Variants in FBXW7 observed in about 807,000 individuals in gnomAD.
FBXW7 encodes the protein F-box and WD repeat domain containing 7.
FBXW7 carries 11 observed loss-of-function variants against 86.3 expected under a neutral mutation model. The ratio of observed to expected loss-of-function variants is 0.13; its 90% CI spans 0.08 to 0.21. The LOEUF (loss-of-function observed/expected upper bound fraction) is 0.21, where lower values mean the gene tolerates loss of function less well. FBXW7 is among the 10% of genes least tolerant of loss of function. FBXW7 has a pLI of 1.00. For synonymous variants in FBXW7, 313 were observed against 297.9 expected (o/e 1.05, Z -0.52); for missense variants, 488 against 847.4 (o/e 0.58, Z 5.27).
In FBXW7 at chr4:152,411,396, T is replaced by C. The variant is rs777791851; in HGVS notation, c.408A>G (p.Glu136=). 1 of 1,613,508 alleles carries C rather than the reference T, an allele frequency of 6.2e-7. No individual in the cohort carries two copies. Among genetic ancestry groups the C allele is most frequent in the African/African-American group, 1.3e-5 (1 of 74,872 alleles). Residue 136 remains glutamate (E), a synonymous_variant, in exon 4 of 14, where the codon GAA becomes GAG. Transcript: ENST00000281708. The part of the protein sequence containing the change: ...DQSDDSSRED[E]HTHTNSVTNS... ...TCGTGACACTGTTAGTATGTGTATG[T>C]TCATCTTCTCTGCTACTATCATCAG...
At chr4:152,415,133 A>C (rs779117009) in intron 2 of FBXW7, among the ~76,000 whole-genome samples, 1 of 151,606 alleles carries the variant, frequency 6.6e-6, no homozygotes, top group Non-Finnish European at 1.5e-5. Flanking sequence ...ACAGTTGTTA[A>C]ATAAGTGGAG....
intron 2 of FBXW7, among the ~76,000 whole-genome samples, chr4:152,526,968 G>C (rs1749571314): frequency 6.6e-6 from 1 of 152,162 alleles, no homozygotes; most frequent in Non-Finnish European, 1.5e-5. Context: ...TCAAACTCAA[G>C]TGTTGAATTT....
intron 4 of FBXW7, chr4:152,382,154 T>C: frequency 2.0e-6 from 3 of 1,464,538 alleles, no homozygotes; most frequent in Non-Finnish European, 2.7e-6. Context: ...TTCACTTAAA[T>C]AAACATTCAT....
At chr4:152,516,960 G>T (rs1199431075) in intron 2 of FBXW7, among the ~76,000 whole-genome samples, 1 of 152,130 alleles carries the variant, frequency 6.6e-6, no homozygotes, top group African/African-American at 2.4e-5. Context: ...CAAGTAGCTG[G>T]GACTACAGGC....
chr4:152,422,233 C>G (rs1419941276), intron 2 of FBXW7, among the ~76,000 whole-genome samples: 1 of 152,108 alleles, frequency 6.6e-6, no homozygotes, highest in Non-Finnish European at 1.5e-5. Context: ...ATGAATTCAA[C>G]TGAATTACCA....
intron 2 of FBXW7, among the ~76,000 whole-genome samples, chr4:152,522,176 T>G (rs1201353261): frequency 1.3e-5 from 2 of 152,280 alleles, no homozygotes; most frequent in Admixed American, 6.5e-5. Context: ...AAGTGTACGT[T>G]TGACTTTATG....
intron 2 of FBXW7, among the ~76,000 whole-genome samples, chr4:152,459,629 A>G (rs1240180842): frequency 6.6e-6 from 1 of 152,214 alleles, no homozygotes; most frequent in African/African-American, 2.4e-5. Flanking sequence ...TCCACAGAGC[A>G]TATGTTCCAG....
At chr4:152,376,871 T>C (rs911367564) in intron 4 of FBXW7, among the ~76,000 whole-genome samples, 5 of 151,994 alleles carry the variant, frequency 3.3e-5, no homozygotes, top group African/African-American at 9.7e-5. Flanking sequence ...GCATACGGTC[T>C]GAATATTTCC....
At chr4:152,382,126 T>C in intron 4 of FBXW7, 1 of 1,245,364 alleles carries the variant, frequency 8.0e-7, no homozygotes. Context: ...ATCTTTTCAC[T>C]AAAAGAGGCC....
chr4:152,535,422 A>C lies in FBXW7; in HGVS notation c.-508T>G. The C allele has an allele frequency of 2.6e-6, 1 of 383,590 alleles. No individual in the cohort carries two copies. Among genetic ancestry groups the C allele is most frequent in the African/African-American group, 2.1e-5 (1 of 48,022 alleles). The allele number at this position is 383,590 out of a possible 1,614,324, so 23.8% of individuals were successfully genotyped here. A position where few individuals can be genotyped will look rare whatever the true frequency, so the allele number is the denominator to read the frequency against. On this transcript the variant is annotated 5_prime_UTR_variant, in exon 1 of 14. Coordinates refer to ENST00000281708, the MANE Select transcript of FBXW7 (RefSeq NM_001349798.2). ...GCTGAGGGGAGGGGGAAGGTGAGGA[A>C]AGGACGGCGGCGTCGGTCCTGTTCT...
intron 2 of FBXW7, among the ~76,000 whole-genome samples, chr4:152,515,329 G>C (rs1233214973): frequency 1.3e-5 from 2 of 152,168 alleles, no homozygotes; most frequent in Non-Finnish European, 2.9e-5. Flanking sequence ...CTGAAGCGAG[G>C]GTGCAGGGAA....
intron 8 of FBXW7, 32 bp from the exon 9 acceptor site, chr4:152,330,900 T>C: frequency 6.2e-7 from 1 of 1,601,080 alleles, no homozygotes; most frequent in Non-Finnish European, 8.5e-7. Context: ...GTAAATTGCC[T>C]TCACCAATAA....
At chr4:152,476,906 A>G (rs1251396748) in intron 2 of FBXW7, among the ~76,000 whole-genome samples, 1 of 151,142 alleles carries the variant, frequency 6.6e-6, no homozygotes, top group African/African-American at 2.5e-5. Flanking sequence ...AAGCAAAGAA[A>G]GGCATTCTTA....
rs1445213956 is a variant in FBXW7 at position 152,321,152 on chromosome 4, AC to A, written c.*1728del. The A allele has an allele frequency of 4.9e-6, 1 of 204,990 alleles. No homozygotes were observed. Among genetic ancestry groups the A allele is most frequent in the Admixed American group, 5.9e-5 (1 of 16,876 alleles). The allele number at this position is 204,990 out of a possible 1,614,324, so 12.7% of individuals were successfully genotyped here. On this transcript the variant is annotated 3_prime_UTR_variant, in exon 14 of 14. Coordinates refer to ENST00000281708, the MANE Select transcript of FBXW7 (RefSeq NM_001349798.2). ...CTTGAAGTATTGATTTCTATGTCACACAGCAGGATGCAAAGAAACCAAGATT... is the reference window on the plus strand; with the variant it reads ...CTTGAAGTATTGATTTCTATGTCACAAGCAGGATGCAAAGAAACCAAGATT...
chr4:152,328,482 CTTAT>C (rs1729259592), intron 10 of FBXW7, 93 bp from the exon 11 acceptor site: 2 of 819,978 alleles, frequency 2.4e-6, no homozygotes, highest in Admixed American at 3.1e-5. Context: ...AGTAAAGTTA[CTTAT>C]TTAATTTGTT....
chr4:152,521,243 C>T (rs1748984367), intron 2 of FBXW7, among the ~76,000 whole-genome samples: 1 of 151,876 alleles, frequency 6.6e-6, no homozygotes, highest in East Asian at 1.9e-4. Context: ...CTGTGGGTAA[C>T]CAGTGGAAAA....
At chr4:152,345,572 A>C (rs1731185274) in intron 6 of FBXW7, among the ~76,000 whole-genome samples, 2 of 152,074 alleles carry the variant, frequency 1.3e-5, no homozygotes, top group Admixed American at 6.6e-5. Context: ...TCAGTTATAA[A>C]AATGAAAAAT....
chr4:152,503,792 G>A (rs1747166416), intron 2 of FBXW7, among the ~76,000 whole-genome samples: 2 of 152,014 alleles, frequency 1.3e-5, no homozygotes, highest in African/African-American at 4.8e-5. Context: ...AAAAATTGAT[G>A]TTTCTCCTAT....
chr4:152,444,846 G>A (rs1057137271), intron 2 of FBXW7, among the ~76,000 whole-genome samples: 2 of 152,048 alleles, frequency 1.3e-5, no homozygotes, highest in African/African-American at 4.8e-5. Context: ...TACTTTCTTT[G>A]TTTGAGACAG....
Sources: gnomAD v4.1 joint callset for allele counts (sites outside exome capture counted in the v4.1 genomes callset) on GRCh38, gnomAD v4.1.1 for gene constraint, MANE v1.5 for transcripts, NCBI Gene and HGNC (gene_info 2026-07-23, HGNC 2026-07-21) for gene names.